The following XRCC4 variants were observed in gnomAD, a reference collection of about 807,000 sequenced individuals.
XRCC4 encodes the protein DNA repair protein XRCC4.
Under a neutral mutation model 39.1 loss-of-function variants are expected in XRCC4, and 28 were observed. The ratio of observed to expected loss-of-function variants is 0.72; its 90% CI spans 0.53 to 0.98. The LOEUF is 0.98. Ranked by LOEUF, XRCC4 falls within the 50% of genes least tolerant of loss-of-function variation. XRCC4 has a pLI of 0.00. For missense variants in XRCC4, 350 were observed against 376.4 expected (o/e 0.93, Z 0.58); for synonymous variants, 123 against 126.4 (o/e 0.97, Z 0.18).
At chr5:83,275,073 C>T (rs1307121502) in intron 7 of XRCC4, among the ~76,000 whole-genome samples, 1 of 151,904 alleles carries the variant, frequency 6.6e-6, no homozygotes, top group African/African-American at 2.4e-5. Context: ...TAATAGAGGA[C>T]CTAGTGAAGA....
chr5:83,242,965 A>G (rs1168396047), intron 6 of XRCC4, among the ~76,000 whole-genome samples: 1 of 152,222 alleles, frequency 6.6e-6, no homozygotes, highest in Non-Finnish European at 1.5e-5. Flanking sequence ...ATATAACCAA[A>G]TCTTAAACTA....
At chr5:83,295,237 C>T (rs1482089410) in intron 7 of XRCC4, among the ~76,000 whole-genome samples, 2 of 151,956 alleles carry the variant, frequency 1.3e-5, no homozygotes, top group African/African-American at 2.4e-5. Context: ...CTGAACATCA[C>T]TACCAGTATG....
chr5:83,330,603 G>T (rs73140224), intron 7 of XRCC4, among the ~76,000 whole-genome samples: 8,317 of 151,994 alleles, frequency 0.055, 377 homozygotes, highest in East Asian at 0.15. Context: ...ATGTGGAGAG[G>T]CAGGGGGAGC....
the XRCC4 span, among the ~76,000 whole-genome samples, chr5:83,367,755 ATT>A: frequency 2.0e-4 from 28 of 142,264 alleles, no homozygotes; most frequent in Non-Finnish European, 2.0e-4. Flanking sequence ...TACCCAGCTA[ATT>A]TTTTTTTTTT....
intron 6 of XRCC4, among the ~76,000 whole-genome samples, chr5:83,235,363 G>GA (rs1027128712): frequency 1.1e-4 from 16 of 139,282 alleles, no homozygotes; most frequent in Admixed American, 7.9e-4. Flanking sequence ...AGAAAGAAAG[G>GA]AAAAAAAAAA....
intron 6 of XRCC4, among the ~76,000 whole-genome samples, chr5:83,227,284 A>G (rs1328542592): frequency 6.6e-6 from 1 of 152,086 alleles, no homozygotes; most frequent in Non-Finnish European, 1.5e-5. Context: ...TGAAAGTAAC[A>G]GGAATGCTGT....
At chr5:83,260,884 G>T (rs1440149796) in intron 7 of XRCC4, among the ~76,000 whole-genome samples, 1 of 152,040 alleles carries the variant, frequency 6.6e-6, no homozygotes, top group Non-Finnish European at 1.5e-5. Flanking sequence ...TAGGCAGACT[G>T]CCCCTAAGTA....
At chr5:83,197,880 A>G (rs1751019297) in intron 4 of XRCC4, among the ~76,000 whole-genome samples, 1 of 152,154 alleles carries the variant, frequency 6.6e-6, no homozygotes, top group African/African-American at 2.4e-5. Flanking sequence ...ATTGTATTCC[A>G]GATCTTAGAT....
intron 1 of XRCC4, among the ~76,000 whole-genome samples, chr5:83,082,063 C>G (rs1561311628): frequency 6.6e-6 from 1 of 151,992 alleles, no homozygotes; most frequent in Non-Finnish European, 1.5e-5. Flanking sequence ...TAGAATTCAA[C>G]AGTTTTCTAC....
At chr5:83,176,314 T>C (rs915416109) in intron 3 of XRCC4, among the ~76,000 whole-genome samples, 1 of 152,032 alleles carries the variant, frequency 6.6e-6, no homozygotes, top group African/African-American at 2.4e-5. Flanking sequence ...AGACAGAAAA[T>C]ACATAAAGTA....
chr5:83,101,325 G>C (rs767004547), intron 1 of XRCC4, among the ~76,000 whole-genome samples: 4 of 151,946 alleles, frequency 2.6e-5, no homozygotes, highest in Admixed American at 6.6e-5. Flanking sequence ...AGTATCAGGC[G>C]TTACAGTATT....
chr5:83,103,358 G>T (rs1445146476), intron 1 of XRCC4, among the ~76,000 whole-genome samples: 1 of 151,992 alleles, frequency 6.6e-6, no homozygotes, highest in East Asian at 1.9e-4. Context: ...ATTACATTGT[G>T]TACCCCTAAT....
At chr5:83,340,427 T>C (rs763990644) in intron 7 of XRCC4, among the ~76,000 whole-genome samples, 40 of 152,158 alleles carry the variant, frequency 2.6e-4, no homozygotes, top group Admixed American at 5.2e-4. Context: ...AGTGAAATTA[T>C]CCTGGATTAT....
At chr5:83,160,208 A>G (rs943725528) in intron 3 of XRCC4, among the ~76,000 whole-genome samples, 2 of 152,204 alleles carry the variant, frequency 1.3e-5, no homozygotes, top group Non-Finnish European at 2.9e-5. Context: ...GTTAACTTTG[A>G]ATGACAGGAT....
chr5:83,310,630 C>T (rs1026222106), intron 7 of XRCC4, among the ~76,000 whole-genome samples: 1 of 152,088 alleles, frequency 6.6e-6, no homozygotes, highest in Admixed American at 6.6e-5. Flanking sequence ...GAATAATAGT[C>T]GCCAAAGATA....
chr5:83,103,028 A>ATATATATATATG (rs1308597391), intron 1 of XRCC4, among the ~76,000 whole-genome samples: 1 of 146,176 alleles, frequency 6.8e-6, no homozygotes, highest in Admixed American at 6.8e-5. Flanking sequence ...ATATATATAT[A>ATATATATATATG]TATGTCAACA....
chr5:83,311,027 C>G, intron 7 of XRCC4: 1 of 276,462 alleles, frequency 3.6e-6, no homozygotes, highest in East Asian at 9.2e-5. Flanking sequence ...GACTTGTGGC[C>G]TCCAGAATTT....
At chr5:83,157,291 C>G (rs1206797750) in intron 3 of XRCC4, among the ~76,000 whole-genome samples, 2 of 152,086 alleles carry the variant, frequency 1.3e-5, no homozygotes, top group Non-Finnish European at 2.9e-5. Context: ...CCTTCCCACT[C>G]TATCCTGAAG....
chr5:83,108,669 T>C (rs1437329068), intron 2 of XRCC4, among the ~76,000 whole-genome samples: 1 of 151,960 alleles, frequency 6.6e-6, no homozygotes, highest in East Asian at 1.9e-4. Context: ...CTGTTTTCTT[T>C]TGTGTTTTCT....
Sources: allele counts gnomAD v4.1 joint callset (sites outside exome capture counted in the v4.1 genomes callset), GRCh38; gene constraint gnomAD v4.1.1; transcripts MANE v1.5; gene names NCBI Gene and HGNC (gene_info 2026-07-23, HGNC 2026-07-21).